The following C8A variants were observed in gnomAD, a reference collection of about 807,000 sequenced individuals.
C8A encodes the protein complement C8 alpha chain, also known as complement component C8 alpha chain.
A neutral mutation model predicts 65.3 loss-of-function variants in C8A; 67 were observed. That is an observed-to-expected ratio of 1.03 (90% CI 0.84 to 1.26). C8A has a LOEUF of 1.26. Among genes scored for constraint, C8A ranks in the 50% most tolerant of loss-of-function variants. The pLI, the probability that C8A is intolerant of heterozygous loss-of-function variation, is 0.00. For synonymous variants in C8A, 290 were observed against 259.4 expected (o/e 1.12, Z -1.13); for missense variants, 781 against 723.9 (o/e 1.08, Z -0.90).
intron 4 of C8A, among the ~76,000 whole-genome samples, chr1:56,880,062 G>A (rs954888369): frequency 3.9e-5 from 6 of 152,132 alleles, no homozygotes; most frequent in African/African-American, 1.2e-4. Flanking sequence ...GCTCCTTAAG[G>A]TTAAATAGGA....
chr1:56,885,370 T>TTAAATAAATA (rs1236518518), intron 6 of C8A, among the ~76,000 whole-genome samples: 9 of 68,608 alleles, frequency 1.3e-4, no homozygotes, highest in African/African-American at 3.4e-4. Context: ...AAATATATAT[T>TTAAATAAATA]TATATTTATT....
intron 7 of C8A, among the ~76,000 whole-genome samples, chr1:56,900,182 T>C (rs1644415975): frequency 6.6e-6 from 1 of 152,320 alleles, no homozygotes; most frequent in East Asian, 1.9e-4. Context: ...AGGACTACCA[T>C]TGGCTACACA....
chr1:56,867,580 A>G (rs1301148646), intron 1 of C8A, 29 bp from the exon 2 acceptor site: 1 of 1,542,536 alleles, frequency 6.5e-7, no homozygotes, highest in Non-Finnish European at 9.0e-7. Flanking sequence ...GCATCTCAAA[A>G]TTGATGCATG....
chr1:56,888,772 G>A (rs1206828587), intron 7 of C8A, among the ~76,000 whole-genome samples: 1 of 152,154 alleles, frequency 6.6e-6, no homozygotes. Context: ...CATTTGTTGA[G>A]CACCTACTAA....
At chr1:56,869,837 C>G (rs907288936) in intron 2 of C8A, among the ~76,000 whole-genome samples, 5 of 152,268 alleles carry the variant, frequency 3.3e-5, no homozygotes, top group Admixed American at 6.5e-5. Context: ...TTTTCTCTCA[C>G]CTGAGTTCTT....
chr1:56,861,252 T>A (rs1321014181), intron 1 of C8A, among the ~76,000 whole-genome samples: 3 of 152,174 alleles, frequency 2.0e-5, no homozygotes, highest in African/African-American at 7.2e-5. Context: ...AGAAAATGTA[T>A]GCAAATATTT....
chr1:56,905,294 C>T (rs1233220366), intron 7 of C8A, among the ~76,000 whole-genome samples: 5 of 152,104 alleles, frequency 3.3e-5, no homozygotes, highest in African/African-American at 1.2e-4. Flanking sequence ...CTCTTCTTTC[C>T]ATAAATGGGA....
Position 56,876,185 on chromosome 1 carries a change from C to T in C8A, c.440C>T (p.Pro147Leu). The change falls in exon 4 of 11, where the codon CCA (proline) becomes CTA (leucine). Residue 147 changes from proline (P) to leucine (L), a missense_variant. Physicochemically the swap from Pro to Leu is moderately conservative, Grantham distance 98. Transcript: ENST00000361249. ...GACTGCAGCCAGTATGAACCAATTC[C>T]AGGATCACAGAAGGCAGCCTTGGGG... ...DEDCSQYEPI[P>L]GSQKAALGYN... 1 of 1,613,838 alleles carries T rather than the reference C, an allele frequency of 6.2e-7. No individual in the cohort carries two copies. The highest frequency in any genetic ancestry group is 8.5e-7 in the Non-Finnish European group (1 of 1,179,862).
chr1:56,887,029 A>G (rs1430635989), intron 7 of C8A, among the ~76,000 whole-genome samples: 1 of 152,156 alleles, frequency 6.6e-6, no homozygotes, highest in Admixed American at 6.5e-5. Flanking sequence ...TGATGCTACT[A>G]CAGTTTGAGA....
At chr1:56,870,080 C>A (rs1644129028) in intron 2 of C8A, among the ~76,000 whole-genome samples, 1 of 152,096 alleles carries the variant, frequency 6.6e-6, no homozygotes. Flanking sequence ...GTGTCTGATC[C>A]CTACGTGCTC....
In C8A at chr1:56,880,726, T is replaced by C. The variant is rs769598680; in HGVS notation, c.465-719T>C. On this transcript the variant is annotated intron_variant, in intron 4 of 10. Transcript: ENST00000361249. ...TAAGAATTATACTTAATACTAACAATTGCTACAATAGCAACCTTTATTCAG... is the reference window on the plus strand; with the variant it reads ...TAAGAATTATACTTAATACTAACAACTGCTACAATAGCAACCTTTATTCAG... 5.3e-5 allele frequency among the ~76,000 whole-genome samples: 8 copies of C among 152,182 alleles called. No individual in the cohort carries two copies. The South Asian group carries it at 1.7e-3, about 31-fold the overall frequency.
chr1:56,912,340 C>T, intron 9 of C8A, 63 bp from the exon 10 acceptor site: 1 of 1,524,798 alleles, frequency 6.6e-7, no homozygotes, highest in East Asian at 2.3e-5. Context: ...GTGGCCGGTT[C>T]TTGGGCTCTG....
chr1:56,908,100 T>A lies in C8A; in HGVS notation c.1367T>A (p.Val456Asp). The A allele has an allele frequency of 1.2e-6, 2 of 1,614,154 alleles. No individual in the cohort carries two copies. Among genetic ancestry groups the A allele is most frequent in the Non-Finnish European group, 1.7e-6 (2 of 1,180,010 alleles). The change falls in exon 9 of 11, where the codon GTT becomes GAT. Residue 456 changes from valine to aspartate, a missense_variant. Val to Asp is a radical substitution (Grantham distance 152, BLOSUM62 -3). Transcript: ENST00000361249. ...WGRSLKYNPV[V>D]IDFEMQPIHE... ...AGGTCATTAAAGTATAATCCTGTTG[T>A]TATCGATTTTGAGGTAAGTCTTTTC... is the stretch of plus-strand genomic sequence containing the variant.
At chr1:56,901,377 C>T (rs1263519106) in intron 7 of C8A, among the ~76,000 whole-genome samples, 1 of 152,154 alleles carries the variant, frequency 6.6e-6, no homozygotes, top group African/African-American at 2.4e-5. Context: ...GTTCTGGCAC[C>T]TTGGAAATCA....
chr1:56,880,085 A>C (rs1371924701), intron 4 of C8A, among the ~76,000 whole-genome samples: 1 of 152,224 alleles, frequency 6.6e-6, no homozygotes, highest in East Asian at 1.9e-4. Flanking sequence ...TTGAGAGACA[A>C]AAAACGAGCA....
intron 10 of C8A, among the ~76,000 whole-genome samples, chr1:56,916,289 G>C (rs1163726026): frequency 6.6e-6 from 1 of 152,204 alleles, no homozygotes; most frequent in African/African-American, 2.4e-5. Flanking sequence ...CATCAACCTG[G>C]TTCAAAGCAA....
At chr1:56,855,011 A>G (rs1643959688) in intron 1 of C8A, 33 bp downstream of exon 1, 1 of 1,532,962 alleles carries the variant, frequency 6.5e-7, no homozygotes, top group East Asian at 2.3e-5. Flanking sequence ...CAAAACTTGC[A>G]CGTAGGAATC....
At chr1:56,902,642 T>C (rs1383220671) in intron 7 of C8A, among the ~76,000 whole-genome samples, 1 of 152,192 alleles carries the variant, frequency 6.6e-6, no homozygotes, top group Non-Finnish European at 1.5e-5. Context: ...TTAGTAATTC[T>C]ACCTTTCCTC....
chr1:56,872,157 T>C (rs1297637822), intron 2 of C8A, among the ~76,000 whole-genome samples: 3 of 152,336 alleles, frequency 2.0e-5, no homozygotes, highest in Middle Eastern at 3.4e-3. Context: ...TTTTCTTTCT[T>C]TGGACCTTGG....
Sources: gnomAD v4.1 joint callset for allele counts (sites outside exome capture counted in the v4.1 genomes callset) on GRCh38, gnomAD v4.1.1 for gene constraint, MANE v1.5 for transcripts, NCBI Gene and HGNC (gene_info 2026-07-23, HGNC 2026-07-21) for gene names.